The following DENND2C variants were observed in gnomAD, a reference collection of about 807,000 sequenced individuals.
DENND2C encodes DENN domain containing 2C, also known as DENN domain-containing protein 2C.
DENND2C carries 72 observed loss-of-function variants against 112.4 expected under a neutral mutation model. That is an observed-to-expected ratio of 0.64 (90% CI 0.53 to 0.78). DENND2C has a LOEUF of 0.78. Ranked by LOEUF, DENND2C falls within the 30% of genes least tolerant of loss-of-function variation. The pLI, the probability that DENND2C is intolerant of heterozygous loss-of-function variation, is 0.00. For synonymous variants in DENND2C, 329 were observed against 381.6 expected (o/e 0.86, Z 1.61); for missense variants, 992 against 1,113.8 (o/e 0.89, Z 1.56).
At position 114,626,169 on chromosome 1, in the gene DENND2C, C is replaced by A. The variant is rs541144514; in HGVS notation, c.-185G>T. The A allele has an allele frequency of 5.4e-4, 305 of 566,984 alleles. 2 individuals carry two copies. Among genetic ancestry groups the A allele is most frequent in the African/African-American group, 4.9e-3 (264 of 53,806 alleles). The allele number at this position is 566,984 out of a possible 1,614,324, so 35.1% of individuals were successfully genotyped here. On this transcript the variant is annotated 5_prime_UTR_variant, in exon 4 of 21. Transcript: ENST00000393274. Reference sequence around the variant, plus strand: ...CAGTGATCCTTGTTGAAAATGGCTACAACCTGATCTTGAATAATCCTGTTA... The same window carrying A: ...CAGTGATCCTTGTTGAAAATGGCTAAAACCTGATCTTGAATAATCCTGTTA...
At chr1:114,666,361 C>T (rs1463204884) in intron 1 of DENND2C, among the ~76,000 whole-genome samples, 2 of 152,226 alleles carry the variant, frequency 1.3e-5, no homozygotes, top group African/African-American at 4.8e-5. Context: ...CCTTCACTGG[C>T]TCTCCATTGT....
chr1:114,594,254 G>A (rs772845557), intron 18 of DENND2C, among the ~76,000 whole-genome samples: 1 of 152,180 alleles, frequency 6.6e-6, no homozygotes, highest in Non-Finnish European at 1.5e-5. Context: ...GATATCTGCG[G>A]GAATAGCATT....
At chr1:114,648,707 AGACACAGGGACTGGTATCT>A (rs1427655782) in intron 2 of DENND2C, among the ~76,000 whole-genome samples, 1 of 152,176 alleles carries the variant, frequency 6.6e-6, no homozygotes, top group African/African-American at 2.4e-5. Flanking sequence ...GGAAGTACAG[AGACACAGGGACTGGTATCT>A]GACTCCCACC....
At chr1:114,622,288 T>TC (rs1656188837) in intron 6 of DENND2C, among the ~76,000 whole-genome samples, 1 of 151,690 alleles carries the variant, frequency 6.6e-6, no homozygotes, top group African/African-American at 2.4e-5. Flanking sequence ...TAATTTTTTC[T>TC]TTTTTTTGGT....
rs900886888 is a variant in DENND2C at position 114,613,039 on chromosome 1, A to G, written c.1325-1922T>C. ...TACAAAAATAGTCTTATATAGAAAT[A>G]TAAGTAAAAGATGCATTTGCAGCAT... On this transcript the variant is annotated intron_variant, in intron 8 of 20. Transcript: ENST00000393274. 5.3e-5 allele frequency among the ~76,000 whole-genome samples: 8 copies of G among 152,350 alleles called. No homozygotes were observed. The East Asian group carries it at 9.6e-4, about 18-fold the overall frequency.
In DENND2C at chr1:114,605,141, G is replaced by A; in HGVS notation, c.1558-110C>T. The A allele has an allele frequency of 7.2e-6, 5 of 699,100 alleles. No homozygotes were observed. In the South Asian group the frequency reaches 8.2e-5, roughly 11 times the overall value. 43.3% of individuals were successfully genotyped at this position (699,100 alleles called of 1,614,324 possible). ...AAAAGGTCTCTGATAAGCCTGAGTA[G>A]TTGCTGATAAGCCTCAGCATGGTTT... On this transcript the variant is annotated intron_variant, in intron 10 of 20. Transcript: ENST00000393274.
At chr1:114,651,276 TACACACACAC>T (rs57202953) in intron 2 of DENND2C, among the ~76,000 whole-genome samples, 2 of 139,364 alleles carry the variant, frequency 1.4e-5, no homozygotes, top group Admixed American at 7.2e-5. Flanking sequence ...TCCCTACACA[TACACACACAC>T]ACACACACAC....
At chr1:114,666,401 C>T (rs1030221882) in intron 1 of DENND2C, among the ~76,000 whole-genome samples, 1 of 152,170 alleles carries the variant, frequency 6.6e-6, no homozygotes, top group Non-Finnish European at 1.5e-5. Flanking sequence ...GTCCTTAGCA[C>T]GATACTCTGG....
At chr1:114,631,217 A>T (rs1182663363) in intron 3 of DENND2C, among the ~76,000 whole-genome samples, 1 of 151,996 alleles carries the variant, frequency 6.6e-6, no homozygotes, top group East Asian at 1.9e-4. Context: ...CTCTACTAAA[A>T]ATACAAAAAT....
chr1:114,616,812 G>A (rs550238676), intron 8 of DENND2C, among the ~76,000 whole-genome samples: 2 of 152,194 alleles, frequency 1.3e-5, no homozygotes, highest in South Asian at 4.2e-4. Flanking sequence ...CCGAGATCAT[G>A]CCATTGCACT....
intron 10 of DENND2C, among the ~76,000 whole-genome samples, chr1:114,608,276 A>AAAG (rs1655714156): frequency 6.6e-6 from 1 of 152,138 alleles, no homozygotes; most frequent in Non-Finnish European, 1.5e-5. Context: ...CTAAAAAAAA[A>AAAG]AAAGAAAGAA....
intron 16 of DENND2C, among the ~76,000 whole-genome samples, chr1:114,597,410 C>T (rs1278742115): frequency 1.3e-5 from 2 of 152,000 alleles, no homozygotes; most frequent in Admixed American, 1.3e-4. Flanking sequence ...CACCACTGCA[C>T]TCCAGCCTGG....
At chr1:114,651,363 G>C (rs1427837799) in intron 2 of DENND2C, among the ~76,000 whole-genome samples, 1 of 149,998 alleles carries the variant, frequency 6.7e-6, no homozygotes, top group Non-Finnish European at 1.5e-5. Flanking sequence ...AAGGCAGGTG[G>C]ATCACTTGAG....
intron 4 of DENND2C, among the ~76,000 whole-genome samples, chr1:114,624,531 C>T (rs1656274725): frequency 6.6e-6 from 1 of 151,944 alleles, no homozygotes; most frequent in Non-Finnish European, 1.5e-5. Flanking sequence ...TGGTCTTGAA[C>T]TCCTGGCCTC....
chr1:114,616,638 G>A (rs1655979971), intron 8 of DENND2C, among the ~76,000 whole-genome samples: 1 of 152,046 alleles, frequency 6.6e-6, no homozygotes, highest in African/African-American at 2.4e-5. Context: ...TGGATCACCT[G>A]AGGTCAGGAG....
intron 7 of DENND2C, 136 bp downstream of exon 7, chr1:114,621,759 T>C: frequency 8.4e-7 from 1 of 1,185,306 alleles, no homozygotes; most frequent in Non-Finnish European, 1.2e-6. Flanking sequence ...ATTTAAAACA[T>C]AACGCTGCCT....
intron 1 of DENND2C, among the ~76,000 whole-genome samples, chr1:114,664,032 G>A (rs1021944350): frequency 1.0e-4 from 15 of 146,922 alleles, no homozygotes; most frequent in Admixed American, 4.9e-4. Flanking sequence ...TCTGCCTCCC[G>A]GGTTCTAGCA....
intron 1 of DENND2C, among the ~76,000 whole-genome samples, chr1:114,668,638 C>G (rs558213171): frequency 6.6e-6 from 1 of 151,860 alleles, no homozygotes; most frequent in East Asian, 1.9e-4. Flanking sequence ...TACAAGTATC[C>G]CCAGCAAAAG....
chr1:114,669,678 G>T (rs946930496), intron 1 of DENND2C, among the ~76,000 whole-genome samples: 11 of 152,118 alleles, frequency 7.2e-5, no homozygotes, highest in African/African-American at 2.7e-4. Context: ...GCGGCGCCCA[G>T]CCTAGGGGTC....
Sources: gnomAD v4.1 joint callset for allele counts (sites outside exome capture counted in the v4.1 genomes callset) on GRCh38, gnomAD v4.1.1 for gene constraint, MANE v1.5 for transcripts, NCBI Gene and HGNC (gene_info 2026-07-23, HGNC 2026-07-21) for gene names.